Variants in CTNNA2 observed in about 807,000 individuals in gnomAD.
The protein encoded by CTNNA2 is catenin alpha 2, also known as catenin alpha-2.
A neutral mutation model predicts 101.0 loss-of-function variants in CTNNA2; 42 were observed. The observed-to-expected ratio is 0.42, with a 90% CI of 0.32 to 0.54. The LOEUF is 0.54. CTNNA2 is among the 20% of genes least tolerant of loss of function. The pLI is 0.14. For missense variants in CTNNA2, 871 were observed against 1,223.1 expected, an observed-to-expected ratio of 0.71 and a Z score of 4.29; for synonymous variants, 450 against 456.4, an observed-to-expected ratio of 0.99 and a Z score of 0.18.
intron 7 of CTNNA2, among the ~76,000 whole-genome samples, chr2:80,317,502 G>A (rs1169096215): frequency 6.6e-6 from 1 of 152,056 alleles, no homozygotes; most frequent in African/African-American, 2.4e-5. Context: ...GAACAATTAA[G>A]AGGGCTGGAT....
rs35203371 is a variant in CTNNA2, at chr2:80,090,146, C to CTGTGTGTG, written c.1056+180385_1056+180392dup. ...AAAGGAAGTTTCACTCTCTCTCTCT[C>CTGTGTGTG]TGTGTGTGTGTGTGTGTGTGTGTGT... On this transcript the variant is annotated intron_variant, in intron 7 of 18. Transcript: ENST00000402739. Among the ~76,000 whole-genome samples the CTGTGTGTG allele has an allele frequency of 7.8e-5, 11 of 140,738 alleles. No individual in the cohort carries two copies. The East Asian group carries it at 1.6e-3, about 21-fold the overall frequency. 92.3% of individuals were successfully genotyped at this position (140,738 alleles called of 152,430 possible). A position where few individuals can be genotyped will look rare whatever the true frequency, so the allele number is the denominator to read the frequency against.
intron 15 of CTNNA2, among the ~76,000 whole-genome samples, chr2:80,596,493 T>C (rs905541155): frequency 4.6e-5 from 7 of 151,070 alleles, no homozygotes; most frequent in African/African-American, 1.7e-4. Context: ...TGTGTGTTTT[T>C]AGTAGAGACG....
intron 7 of CTNNA2, among the ~76,000 whole-genome samples, chr2:79,924,997 T>A (rs556536086): frequency 6.6e-6 from 1 of 152,116 alleles, no homozygotes; most frequent in Non-Finnish European, 1.5e-5. Flanking sequence ...TAGTGGCTGA[T>A]AACAGTCGCA....
chr2:79,977,442 A>G lies in CTNNA2; in HGVS notation c.1056+67645A>G, dbSNP rs377188262. On this transcript the variant is annotated intron_variant, in intron 7 of 18. Coordinates refer to ENST00000402739, the MANE Select transcript of CTNNA2 (RefSeq NM_001282597.3). ...CTAAACACCCTGTAGTGTACAGGAC[A>G]GCCCCCACCACGAGAATGATCCAGC... 1.8e-4 allele frequency among the ~76,000 whole-genome samples: 27 copies of G among 152,248 alleles called. No homozygotes were observed. In the East Asian group the frequency reaches 3.7e-3, roughly 21 times the overall value.
chr2:79,693,433 A>T (rs1387847525), intron 2 of CTNNA2, among the ~76,000 whole-genome samples: 6 of 151,972 alleles, frequency 3.9e-5, no homozygotes, highest in Non-Finnish European at 5.9e-5. Flanking sequence ...TGACATACCT[A>T]TTCATTTTTC....
chr2:80,430,980 A>G (rs910325332), intron 9 of CTNNA2, among the ~76,000 whole-genome samples: 2 of 152,198 alleles, frequency 1.3e-5, no homozygotes, highest in Non-Finnish European at 2.9e-5. Flanking sequence ...CAATGCAAAA[A>G]TAAAAAAGTC....
At chr2:79,762,546 C>A (rs1672864845) in intron 3 of CTNNA2, among the ~76,000 whole-genome samples, 8 of 151,782 alleles carry the variant, frequency 5.3e-5, no homozygotes, top group Admixed American at 3.9e-4. Context: ...CATAGAGTGT[C>A]CTAGAGATTA....
At chr2:79,948,785 G>A (rs1038139863) in intron 7 of CTNNA2, among the ~76,000 whole-genome samples, 2 of 152,070 alleles carry the variant, frequency 1.3e-5, no homozygotes, top group Admixed American at 6.6e-5. Flanking sequence ...TGGCTAACAC[G>A]GGGAAACCCC....
intron 4 of CTNNA2, among the ~76,000 whole-genome samples, chr2:79,400,810 C>A (rs1253879111): frequency 7.0e-6 from 1 of 143,618 alleles, no homozygotes; most frequent in African/African-American, 2.6e-5. Context: ...TCAATGAACA[C>A]CGTGTAGAAT....
At chr2:80,612,052 A>C (rs115045574) in intron 17 of CTNNA2, among the ~76,000 whole-genome samples, 1,772 of 151,700 alleles carry the variant, frequency 0.012, 41 homozygotes, top group African/African-American at 0.04. Context: ...TGAATGGATT[A>C]CTGACCTATT....
chr2:80,567,864 A>G (rs1694195587), intron 12 of CTNNA2, among the ~76,000 whole-genome samples: 1 of 152,066 alleles, frequency 6.6e-6, no homozygotes, highest in African/African-American at 2.4e-5. Context: ...TTATTTTTAG[A>G]TTCCTTTCAA....
At chr2:80,306,390 TTTTCTTTTCTTTTCTTTCTTTC>T (rs1444312724) in intron 7 of CTNNA2, among the ~76,000 whole-genome samples, 7 of 133,260 alleles carry the variant, frequency 5.3e-5, no homozygotes, top group African/African-American at 2.4e-4. Context: ...TTTTCTTTTC[TTTTCTTTTCTTTTCTTTCTTTC>T]TTTCTTTCTT....
At chr2:80,013,520 C>A (rs796706859) in intron 7 of CTNNA2, among the ~76,000 whole-genome samples, 9 of 152,280 alleles carry the variant, frequency 5.9e-5, no homozygotes, top group African/African-American at 1.9e-4. Context: ...CTTACACTAA[C>A]CTGCTTTATC....
chr2:80,176,311 G>C (rs777038708), intron 7 of CTNNA2, among the ~76,000 whole-genome samples: 1 of 152,140 alleles, frequency 6.6e-6, no homozygotes, highest in Non-Finnish European at 1.5e-5. Context: ...ACACTGAAAT[G>C]CTGATATGAA....
intron 9 of CTNNA2, among the ~76,000 whole-genome samples, chr2:80,426,367 G>A (rs1680993164): frequency 6.6e-6 from 1 of 152,128 alleles, no homozygotes; most frequent in Admixed American, 6.5e-5. Flanking sequence ...GATCAACATA[G>A]CTATTTTGGG....
At chr2:79,795,759 A>T (rs530131748) in intron 3 of CTNNA2, among the ~76,000 whole-genome samples, 2 of 152,320 alleles carry the variant, frequency 1.3e-5, no homozygotes, top group East Asian at 3.9e-4. Context: ...ACAGTTTGAA[A>T]GAAGAGACAT....
chr2:79,423,247 C>G (rs1022409010), intron 4 of CTNNA2, among the ~76,000 whole-genome samples: 6 of 152,092 alleles, frequency 3.9e-5, no homozygotes, highest in African/African-American at 7.2e-5. Context: ...TCAATAGCAC[C>G]AGATGAGTCC....
intron 7 of CTNNA2, among the ~76,000 whole-genome samples, chr2:80,042,299 TTTG>T (rs1208517520): frequency 6.6e-6 from 1 of 152,164 alleles, no homozygotes; most frequent in Non-Finnish European, 1.5e-5. Flanking sequence ...TCTGTTTTTG[TTTG>T]TTTATTTGTT....
At chr2:79,570,008 T>A (rs1675363991) in intron 1 of CTNNA2, among the ~76,000 whole-genome samples, 1 of 152,200 alleles carries the variant, frequency 6.6e-6, no homozygotes, top group South Asian at 2.1e-4. Flanking sequence ...AGCATTACCT[T>A]ATAATATTTA....
Sources: allele counts gnomAD v4.1 joint callset (sites outside exome capture counted in the v4.1 genomes callset), GRCh38; gene constraint gnomAD v4.1.1; transcripts MANE v1.5; gene names NCBI Gene and HGNC (gene_info 2026-07-23, HGNC 2026-07-21).